Variants in PATJ observed in about 807,000 individuals in gnomAD.
The protein encoded by PATJ is inaD-like protein.
PATJ carries 190 observed loss-of-function variants against 224.9 expected under a neutral mutation model. The ratio of observed to expected loss-of-function variants is 0.84; its 90% confidence interval spans 0.75 to 0.95. PATJ has a LOEUF of 0.95. PATJ is among the 40% of genes least tolerant of loss of function. The probability of loss-of-function intolerance (pLI) is 0.00; values close to 1 mark genes in which losing one functional copy is unlikely to be tolerated. For synonymous variants in PATJ, 769 were observed against 820.3 expected (o/e 0.94, Z 1.07); for missense variants, 2,121 against 2,270.3 (o/e 0.93, Z 1.34).
intron 17 of PATJ, among the ~76,000 whole-genome samples, chr1:61,852,908 T>C (rs1364125809): frequency 6.6e-6 from 1 of 152,182 alleles, no homozygotes; most frequent in Non-Finnish European, 1.5e-5. Context: ...TTCATTCAGC[T>C]ACGTGGGAAA....
In PATJ at chr1:62,060,892, A is replaced by G. The variant is rs982751016; in HGVS notation, c.4125+9834A>G. On this transcript the variant is annotated intron_variant, in intron 31 of 43. Transcript: ENST00000642238. ...TTTTTAGTAGAGACAGGGTTTCACC[A>G]CGTTGGCCAGGCTGGTCTCCAACTC... is the stretch of plus-strand genomic sequence containing the variant. Among the ~76,000 whole-genome samples, 3 of 152,178 alleles carry G rather than the reference A, an allele frequency of 2.0e-5. No homozygotes were observed. The South Asian group carries it at 6.2e-4, about 32-fold the overall frequency.
At position 61,902,545 on chromosome 1, in the gene PATJ, A is replaced by G. The variant is rs1307404149; in HGVS notation, c.3381+1086A>G. ...GAAATGAGAATTCAAAATCGATAGC[A>G]TTATTGTGAGGATTAAATTAAGGAA... On this transcript the variant is annotated intron_variant, in intron 24 of 43. Transcript: ENST00000642238. Among the ~76,000 whole-genome samples the G allele has an allele frequency of 5.9e-5, 9 of 152,274 alleles. 1 individual carries two copies. Among genetic ancestry groups the G allele is most frequent in the Non-Finnish European group, 1.2e-4 (8 of 68,024 alleles).
chr1:61,853,619 C>T (rs1663179918), intron 17 of PATJ, among the ~76,000 whole-genome samples: 1 of 152,148 alleles, frequency 6.6e-6, no homozygotes, highest in South Asian at 2.1e-4. Flanking sequence ...GTGTGTCAAA[C>T]TTAAAATGTA....
chr1:61,766,453 G>C lies in PATJ; in HGVS notation c.364G>C (p.Val122Leu). 1.3e-6 allele frequency: 2 copies of C among 1,597,862 alleles called. No homozygotes were observed. Among genetic ancestry groups the C allele is most frequent in the Non-Finnish European group, 1.7e-6 (2 of 1,175,284 alleles). ...GTTGGGAAATGAAGACTTTAACTCAGTCATTCAACAGATGGCTCAGGTAAA... is the reference window on the plus strand; with the variant it reads ...GTTGGGAAATGAAGACTTTAACTCACTCATTCAACAGATGGCTCAGGTAAA... ...PKLGNEDFNS[V>L]IQQMAQGRQI... The change falls in exon 4 of 44, where the codon GTC (valine) becomes CTC (leucine). Residue 122 changes from valine (V) to leucine (L), a missense_variant. By Grantham distance (32) the Val-to-Leu change is conservative (BLOSUM62 1). Coordinates refer to ENST00000642238, the MANE Select transcript of PATJ (RefSeq NM_001350145.3).
chr1:62,128,395 A>G (rs1020350060), intron 40 of PATJ: 26 of 320,162 alleles, frequency 8.1e-5, no homozygotes, highest in Non-Finnish European at 1.2e-4. Flanking sequence ...ACTGAGAGAC[A>G]TTTGACCTTA....
At chr1:62,000,444 A>ATG (rs1645692969) in intron 28 of PATJ, among the ~76,000 whole-genome samples, 1 of 146,268 alleles carries the variant, frequency 6.8e-6, no homozygotes, top group African/African-American at 2.5e-5. Context: ...GAGAATATGC[A>ATG]GTGTTTGGTT....
intron 21 of PATJ, among the ~76,000 whole-genome samples, chr1:61,878,669 C>A: frequency 6.7e-6 from 1 of 150,038 alleles, no homozygotes; most frequent in South Asian, 2.1e-4. Context: ...CATAGGGAGA[C>A]CCCATCTCTA....
chr1:61,961,105 G>A (rs1269091208), intron 27 of PATJ, among the ~76,000 whole-genome samples: 5 of 152,152 alleles, frequency 3.3e-5, no homozygotes, highest in African/African-American at 4.8e-5. Flanking sequence ...GTACCTTTGG[G>A]TGAGTTGGAG....
chr1:61,843,755 T>G (rs905489636), intron 17 of PATJ, among the ~76,000 whole-genome samples: 1 of 151,974 alleles, frequency 6.6e-6, no homozygotes, highest in Non-Finnish European at 1.5e-5. Flanking sequence ...ATGCCTATGC[T>G]TTTCTTAACT....
intron 31 of PATJ, chr1:62,054,346 GAGTGAAAC>G (rs755990822): frequency 2.3e-4 from 100 of 441,862 alleles, no homozygotes; most frequent in Non-Finnish European, 6.4e-5. Flanking sequence ...CTGGGTGACA[GAGTGAAAC>G]CCTGTGTCCA....
intron 28 of PATJ, among the ~76,000 whole-genome samples, chr1:61,998,682 C>T (rs2149592514): frequency 6.6e-6 from 1 of 152,322 alleles, no homozygotes; most frequent in East Asian, 1.9e-4. Context: ...TAATTAAAGA[C>T]CTTTACCCTT....
At chr1:62,132,713 G>A (rs1666385865) in intron 41 of PATJ, among the ~76,000 whole-genome samples, 1 of 152,104 alleles carries the variant, frequency 6.6e-6, no homozygotes, top group South Asian at 2.1e-4. Flanking sequence ...GACCAGCTTG[G>A]GCAACATGGT....
intron 33 of PATJ, among the ~76,000 whole-genome samples, chr1:62,105,046 A>G (rs1195051251): frequency 6.6e-6 from 1 of 151,822 alleles, no homozygotes; most frequent in African/African-American, 2.4e-5. Context: ...GAAAGAAAGA[A>G]ATGGAGAATT....
At chr1:62,044,649 TACTA>T (rs1652181347) in intron 30 of PATJ, among the ~76,000 whole-genome samples, 1 of 152,216 alleles carries the variant, frequency 6.6e-6, no homozygotes, top group Admixed American at 6.5e-5. Flanking sequence ...TTTTTTAAAG[TACTA>T]ACTGAGATGG....
chr1:62,101,904 C>CACAGT (rs1459384262), intron 33 of PATJ, among the ~76,000 whole-genome samples: 1 of 152,164 alleles, frequency 6.6e-6, no homozygotes, highest in Non-Finnish European at 1.5e-5. Flanking sequence ...CCAGGCTGGG[C>CACAGT]ACAGTGACTT....
At chr1:62,025,073 A>G (rs557784866) in intron 29 of PATJ, among the ~76,000 whole-genome samples, 1 of 152,108 alleles carries the variant, frequency 6.6e-6, no homozygotes, top group East Asian at 1.9e-4. Context: ...GTTGGCCCAA[A>G]TTTATTTTTA....
At chr1:61,752,615 C>T (rs1336643469) in intron 1 of PATJ, among the ~76,000 whole-genome samples, 4 of 152,110 alleles carry the variant, frequency 2.6e-5, no homozygotes, top group East Asian at 1.9e-4. Flanking sequence ...GGTGAGCCAC[C>T]GCGCCTGGCC....
intron 14 of PATJ, among the ~76,000 whole-genome samples, chr1:61,815,936 T>A (rs942569894): frequency 6.6e-6 from 1 of 152,214 alleles, no homozygotes; most frequent in Admixed American, 6.5e-5. Context: ...ATAACAGCTC[T>A]ATGAGGGAGA....
chr1:61,839,841 A>G (rs1294526150), intron 17 of PATJ, among the ~76,000 whole-genome samples: 2 of 152,128 alleles, frequency 1.3e-5, no homozygotes, highest in Non-Finnish European at 2.9e-5. Context: ...GCCAAAGCTG[A>G]TATTTTTGAA....
Sources: allele counts gnomAD v4.1 joint callset (sites outside exome capture counted in the v4.1 genomes callset), GRCh38; gene constraint gnomAD v4.1.1; transcripts MANE v1.5; gene names NCBI Gene and HGNC (gene_info 2026-07-23, HGNC 2026-07-21).